Variants in PCNX3 observed in about 807,000 individuals in gnomAD.
The protein encoded by PCNX3 is pecanex 3, also known as pecanex-like protein 3.
Under a neutral mutation model 207.2 loss-of-function variants are expected in PCNX3, and 58 were observed. The observed-to-expected ratio is 0.28, with a 90% confidence interval of 0.23 to 0.35. PCNX3 has a LOEUF of 0.35. Among genes scored for constraint, PCNX3 ranks in the 10% least tolerant of loss-of-function variants. PCNX3 has a pLI of 1.00. For missense variants in PCNX3, 2,410 were observed against 2,774.4 expected, an observed-to-expected ratio of 0.87 and a Z score of 2.95; for synonymous variants, 1,337 against 1,183.5, an observed-to-expected ratio of 1.13 and a Z score of -2.66.
At chr11:65,622,128 A>T in intron 10 of PCNX3, 117 bp from the exon 11 acceptor site, 2 of 1,437,966 alleles carry the variant, frequency 1.4e-6, no homozygotes, top group South Asian at 2.8e-5. Flanking sequence ...GGTCAACCAG[A>T]CCGGTGTGCT....
chr11:65,626,539 T>C, intron 20 of PCNX3: 1 of 422,542 alleles, frequency 2.4e-6, no homozygotes, highest in South Asian at 2.1e-5. Flanking sequence ...AGCATCCCTC[T>C]GTGGCTACAA....
Position 65,637,049 on chromosome 11 carries a change from C to A in PCNX3, c.*71C>A. On this transcript the variant is annotated 3_prime_UTR_variant, in exon 35 of 35. Transcript: ENST00000355703. Reference sequence around the variant, plus strand: ...CCTGCTCTGCTGCCTCTCTGCTGGACCACAGAACTGAGTGGCTTTGGCCTA... The same window carrying A: ...CCTGCTCTGCTGCCTCTCTGCTGGAACACAGAACTGAGTGGCTTTGGCCTA... 6.8e-7 allele frequency: 1 copy of A among 1,469,498 alleles called. No individual in the cohort carries two copies. Among genetic ancestry groups the A allele is most frequent in the Non-Finnish European group, 9.2e-7 (1 of 1,092,166 alleles). The allele number at this position is 1,469,498 out of a possible 1,614,324, so 91.0% of individuals were successfully genotyped here. A position where few individuals can be genotyped will look rare whatever the true frequency, so the allele number is the denominator to read the frequency against.
rs760473640 is a variant in PCNX3 at position 65,630,591 on chromosome 11, C to G, written c.4457C>G (p.Thr1486Ser). Residue 1486 changes from threonine (T) to serine (S), a missense_variant, in exon 27 of 35, where the codon ACC becomes AGC. Physicochemically the swap from Thr to Ser is moderately conservative, Grantham distance 58. This residue lies in a region of PCNX3 where 420 missense variants were observed against 705.3 expected (regional missense o/e 0.60). Transcript: ENST00000355703. Reference sequence around the variant, plus strand: ...TTCGACCTCCGCAAGATCCTCATCACCTACTATGTCAAGGTACGGTGGGCA... The same window carrying G: ...TTCGACCTCCGCAAGATCCTCATCAGCTACTATGTCAAGGTACGGTGGGCA... ...QVFDLRKILI[T>S]YYVKSIIYYV... is the part of the protein sequence containing the mutation. 10 of 1,610,126 alleles carry G rather than the reference C, an allele frequency of 6.2e-6. No individual in the cohort carries two copies. The South Asian group carries it at 9.9e-5, about 16-fold the overall frequency.
At position 65,635,183 on chromosome 11, in the gene PCNX3, G is replaced by A. The variant is rs1211111978; in HGVS notation, c.4954-35G>A. 1 of 1,599,618 alleles carries A rather than the reference G, an allele frequency of 6.3e-7. No individual in the cohort carries two copies. Among genetic ancestry groups the A allele is most frequent in the Admixed American group, 1.7e-5 (1 of 57,860 alleles). On this transcript the variant is annotated intron_variant, in intron 30 of 34. Transcript: ENST00000355703. This position sits in a 1 kb window ranked among gnomAD's most constrained non-coding sequence, Gnocchi z 9.9. Reference sequence around the variant, plus strand: ...GGGATGAAGCCTCTCTCCAGGGCAGGGGCCACTGACCCCTGTTCCCGTCTT... The same window carrying A: ...GGGATGAAGCCTCTCTCCAGGGCAGAGGCCACTGACCCCTGTTCCCGTCTT...
At chr11:65,628,768 G>GGGGGGGGGC in intron 23 of PCNX3, 51 bp from the exon 24 acceptor site, 1 of 1,592,474 alleles carries the variant, frequency 6.3e-7, no homozygotes, top group Non-Finnish European at 8.5e-7. Context: ...GTGGGGGGTG[G>GGGGGGGGGC]TGGGGGGCTG....
chr11:65,629,318 C>T (rs764202772), intron 24 of PCNX3, 39 bp from the exon 25 acceptor site: 2 of 1,592,208 alleles, frequency 1.3e-6, no homozygotes, highest in Non-Finnish European at 1.7e-6. Context: ...CTCTCTTCAC[C>T]TTCTTGGCCA....
Position 65,627,066 on chromosome 11 carries a change from C to T in PCNX3, c.3524+18C>T. 6.8e-7 allele frequency: 1 copy of T among 1,473,212 alleles called. No individual in the cohort carries two copies. The highest frequency in any genetic ancestry group is 9.0e-7 in the Non-Finnish European group (1 of 1,109,732). The allele number at this position is 1,473,212 out of a possible 1,614,324, so 91.3% of individuals were successfully genotyped here. On this transcript the variant is annotated intron_variant, in intron 21 of 34. Coordinates refer to ENST00000355703, the MANE Select transcript of PCNX3 (RefSeq NM_032223.4). ...TGCTTCTAGTGAGGACCACCCCACC[C>T]TCAACGATCCCATCATCCGCTTTCC...
intron 6 of PCNX3, 88 bp from the exon 7 acceptor site, chr11:65,619,449 C>A: frequency 6.5e-7 from 1 of 1,537,586 alleles, no homozygotes; most frequent in Non-Finnish European, 8.7e-7. Flanking sequence ...AGGCCTTTAG[C>A]TCCCTGGCGG....
intron 27 of PCNX3, among the ~76,000 whole-genome samples, chr11:65,633,416 C>T (rs1049873479): frequency 3.3e-5 from 5 of 152,158 alleles, no homozygotes; most frequent in African/African-American, 9.7e-5. Flanking sequence ...GTGACCCAGG[C>T]ACTCTGAGGC....
chr11:65,625,988 C>T lies in PCNX3; in HGVS notation c.3313C>T (p.Leu1105=), dbSNP rs775246539. 1 of 1,613,680 alleles carries T rather than the reference C, an allele frequency of 6.2e-7. No homozygotes were observed. The highest frequency in any genetic ancestry group is 8.5e-7 in the Non-Finnish European group (1 of 1,179,840). ...HYLLPQLRKQ[L]PWFCLSQPVL... is the part of the protein sequence containing the mutation. ...CCTGCTGCCACAACTCCGCAAACAG[C>T]TGCCCTGGTTCTGCCTGTCACAGCC... is the stretch of plus-strand genomic sequence containing the variant. Residue 1105 remains leucine, a synonymous_variant, in exon 20 of 35, where the codon CTG becomes TTG. Transcript: ENST00000355703. This position sits in a 1 kb window ranked among gnomAD's most constrained non-coding sequence, Gnocchi z 5.6.
intron 20 of PCNX3, 134 bp from the exon 21 acceptor site, chr11:65,626,770 C>A: frequency 1.5e-6 from 2 of 1,324,448 alleles, no homozygotes; most frequent in Non-Finnish European, 2.1e-6. Flanking sequence ...CCCATTTGAG[C>A]TGCCACAGAT....
chr11:65,624,609 T>TGG (rs1215926003), intron 15 of PCNX3, 28 bp downstream of exon 15: 1 of 1,548,222 alleles, frequency 6.5e-7, no homozygotes. Flanking sequence ...GGCTCAGGGA[T>TGG]GGGGCCCGTG....
rs1855834070 is a variant in PCNX3, at chr11:65,636,283, C to T, written c.5569C>T (p.His1857Tyr). ...TSLSNNPPVA[H>Y]PTPENTAGNG... Reference sequence around the variant, plus strand: ...CCTCAGCAATAACCCCCCCGTGGCACACCCCACACCTGAGAACACGGCAGG... The same window carrying T: ...CCTCAGCAATAACCCCCCCGTGGCATACCCCACACCTGAGAACACGGCAGG... The change falls in exon 33 of 35, where the codon CAC (histidine) becomes TAC (tyrosine). Residue 1857 changes from histidine to tyrosine, a missense_variant. By Grantham distance (83) the His-to-Tyr change is moderately conservative (BLOSUM62 2). Transcript: ENST00000355703. 3.1e-6 allele frequency: 5 copies of T among 1,607,378 alleles called. No individual in the cohort carries two copies. The highest frequency in any genetic ancestry group is 1.7e-5 in the Admixed American group (1 of 58,920).
chr11:65,617,286 CAGT>C lies in PCNX3; in HGVS notation c.379_381del (p.Ser128del), dbSNP rs1854791419. ...TGGAGATGACAGTGTTCCGGAAAGT[CAGT>C]TCCACACCCCCGGTGCGCTGCAGCT... is the stretch of plus-strand genomic sequence containing the variant. On this transcript the variant is annotated inframe_deletion, in exon 3 of 35. Coordinates refer to ENST00000355703, the MANE Select transcript of PCNX3 (RefSeq NM_032223.4). 6.2e-7 allele frequency: 1 copy of C among 1,610,878 alleles called. No homozygotes were observed. The highest frequency in any genetic ancestry group is 8.5e-7 in the Non-Finnish European group (1 of 1,178,644).
chr11:65,627,109 A>G, intron 21 of PCNX3, 61 bp downstream of exon 21: 1 of 1,452,018 alleles, frequency 6.9e-7, no homozygotes, highest in Non-Finnish European at 9.1e-7. Context: ...TCCGTGGGGA[A>G]ACTGAGGCCT....
chr11:65,621,646 G>A (rs1037493722), intron 10 of PCNX3, among the ~76,000 whole-genome samples: 5 of 152,222 alleles, frequency 3.3e-5, no homozygotes, highest in Non-Finnish European at 7.3e-5. Context: ...GCCTCCAGAG[G>A]GAAGGGTTGC....
rs1151489 is a variant in PCNX3, at chr11:65,618,135, A to G, written c.773A>G (p.Gln258Arg). The G allele has an allele frequency of 1, 1,610,290 of 1,611,650 alleles. 804,478 individuals are homozygous for G. The highest frequency in any genetic ancestry group is 1 in the East Asian group (44,816 of 44,816). ...AGCAAGAGCTTCCTGACCCTGACCC[A>G]GCCTGACCGGGCCCTGGTGAGGACC... ...ELSKSFLTLT[Q>R]PDRALVRTSS... The change falls in exon 6 of 35, where the codon CAG (glutamine) becomes CGG (arginine). Residue 258 changes from glutamine (Q) to arginine (R), a missense_variant. Around this residue, in one of 8 missense-constraint regions of PCNX3, gnomAD observed 1,104 missense variants for 970.3 expected, o/e 1.14. Coordinates refer to ENST00000355703, the MANE Select transcript of PCNX3 (RefSeq NM_032223.4).
In PCNX3 at chr11:65,618,209, G is replaced by C; in HGVS notation, c.847G>C (p.Asp283His). ...GGGGGCAGGTGGCTATCAGCCCCTT[G>C]ACCGGCGGGGCTCAGGGGAGCCCAC... ...RRGAGGYQPL[D>H]RRGSGEPTPQ... The change falls in exon 6 of 35, where the codon GAC (aspartate) becomes CAC (histidine). Residue 283 changes from aspartate to histidine, a missense_variant. This residue lies in a region of PCNX3 where 1,104 missense variants were observed against 970.3 expected (regional missense o/e 1.14). Coordinates refer to ENST00000355703, the MANE Select transcript of PCNX3 (RefSeq NM_032223.4). 3.1e-6 allele frequency: 5 copies of C among 1,602,824 alleles called. No individual in the cohort carries two copies. Among genetic ancestry groups the C allele is most frequent in the Non-Finnish European group, 4.3e-6 (5 of 1,174,286 alleles).
chr11:65,619,428 G>A lies in PCNX3; in HGVS notation c.1706-109G>A, dbSNP rs3829938. On this transcript the variant is annotated intron_variant, in intron 6 of 34. Coordinates refer to ENST00000355703, the MANE Select transcript of PCNX3 (RefSeq NM_032223.4). ...CCTGGCTGGGCCTCAGAGCCGGGGC[G>A]TGGTTGTACTAGGCCTTTAGCTCCC... is the stretch of plus-strand genomic sequence containing the variant. 27,915 of 1,489,486 alleles carry A rather than the reference G, an allele frequency of 0.019. 2,932 individuals are homozygous for A. The Admixed American group carries it at 0.27, about 14-fold the overall frequency. The allele number at this position is 1,489,486 out of a possible 1,614,324, so 92.3% of individuals were successfully genotyped here. A position where few individuals can be genotyped will look rare whatever the true frequency, so the allele number is the denominator to read the frequency against.
Sources: gnomAD v4.1 joint callset for allele counts (sites outside exome capture counted in the v4.1 genomes callset) on GRCh38, gnomAD v4.1.1 for gene constraint, gnomAD v4.1.1 regional missense constraint, Gnocchi (gnomAD v3.1) non-coding constraint, MANE v1.5 for transcripts, NCBI Gene and HGNC (gene_info 2026-07-23, HGNC 2026-07-21) for gene names.